Variants in TMC1 observed in about 807,000 individuals in gnomAD.
TMC1 encodes the protein transmembrane channel like 1, also known as transmembrane channel-like protein 1.
TMC1 carries 84 observed loss-of-function variants against 105.8 expected under a neutral mutation model. That is an observed-to-expected ratio of 0.79 (90% CI 0.67 to 0.95). The LOEUF (loss-of-function observed/expected upper bound fraction) is 0.95, where lower values mean the gene tolerates loss of function less well. Ranked by LOEUF, TMC1 falls within the 40% of genes least tolerant of loss-of-function variation. The pLI, the probability that TMC1 is intolerant of heterozygous loss-of-function variation, is 0.00. For synonymous variants in TMC1, 315 were observed against 311.5 expected (o/e 1.01, Z -0.12); for missense variants, 817 against 914.1 (o/e 0.89, Z 1.37).
At chr9:72,712,903 T>C (rs1045521584) in intron 8 of TMC1, among the ~76,000 whole-genome samples, 2 of 152,224 alleles carry the variant, frequency 1.3e-5, no homozygotes, top group African/African-American at 4.8e-5. Context: ...TGATATTGGC[T>C]GTGGATTTGT....
At chr9:72,687,053 T>G (rs193048218) in intron 5 of TMC1, among the ~76,000 whole-genome samples, 66 of 152,312 alleles carry the variant, frequency 4.3e-4, no homozygotes, top group Admixed American at 6.5e-4. Context: ...CTCTTTTTAT[T>G]TAATATATAA....
chr9:72,787,013 C>A (rs1828178414), intron 13 of TMC1, among the ~76,000 whole-genome samples: 1 of 150,134 alleles, frequency 6.7e-6, no homozygotes, highest in African/African-American at 2.5e-5. Flanking sequence ...ACCCTTTTGG[C>A]CTCCAAAAAA....
At chr9:72,567,816 G>T (rs1428446377) in intron 1 of TMC1, among the ~76,000 whole-genome samples, 1 of 152,112 alleles carries the variant, frequency 6.6e-6, no homozygotes, top group Non-Finnish European at 1.5e-5. Context: ...CACTCATGTA[G>T]TCTTATTTTG....
At chr9:72,580,581 T>C (rs13290088) in intron 2 of TMC1, among the ~76,000 whole-genome samples, 2 of 152,010 alleles carry the variant, frequency 1.3e-5, no homozygotes, top group African/African-American at 4.8e-5. Flanking sequence ...TGTGTGTGTG[T>C]GCATGCCAGT....
At chr9:72,683,427 G>T (rs1826319360) in intron 5 of TMC1, among the ~76,000 whole-genome samples, 1 of 151,760 alleles carries the variant, frequency 6.6e-6, no homozygotes, top group South Asian at 2.1e-4. Context: ...TTAGTAATTT[G>T]AGGGGCAACT....
chr9:72,581,327 T>C (rs1489976277), intron 2 of TMC1, among the ~76,000 whole-genome samples: 1 of 152,232 alleles, frequency 6.6e-6, no homozygotes, highest in Non-Finnish European at 1.5e-5. Context: ...TAATGCCACT[T>C]TTCACAAGGA....
intron 2 of TMC1, among the ~76,000 whole-genome samples, chr9:72,602,113 G>A (rs919618228): frequency 2.6e-5 from 4 of 152,118 alleles, no homozygotes; most frequent in African/African-American, 9.7e-5. Context: ...AAAAATTGCA[G>A]ATTTTGGAGA....
At chr9:72,681,320 C>G (rs1005071181) in intron 5 of TMC1, among the ~76,000 whole-genome samples, 1 of 152,080 alleles carries the variant, frequency 6.6e-6, no homozygotes, top group Middle Eastern at 3.2e-3. Context: ...AGACTCACCA[C>G]TTACTTTTTC....
intron 5 of TMC1, among the ~76,000 whole-genome samples, chr9:72,677,661 T>G (rs1826224003): frequency 6.6e-6 from 1 of 152,160 alleles, no homozygotes; most frequent in Non-Finnish European, 1.5e-5. Flanking sequence ...GACAATCAAT[T>G]ATTAATACCC....
At chr9:72,569,478 CTG>C (rs1824230641) in intron 1 of TMC1, among the ~76,000 whole-genome samples, 1 of 152,114 alleles carries the variant, frequency 6.6e-6, no homozygotes, top group African/African-American at 2.4e-5. Flanking sequence ...AAGCTGGACT[CTG>C]TGACGAAATG....
intron 8 of TMC1, among the ~76,000 whole-genome samples, chr9:72,702,725 G>A (rs564658433): frequency 6.6e-6 from 1 of 152,072 alleles, no homozygotes; most frequent in East Asian, 1.9e-4. Flanking sequence ...TTTTGAGGAT[G>A]CAACAGAAGG....
chr9:72,807,941 T>C (rs984737973), intron 18 of TMC1, among the ~76,000 whole-genome samples: 1 of 152,226 alleles, frequency 6.6e-6, no homozygotes, highest in South Asian at 2.1e-4. Flanking sequence ...CATCCTCAGG[T>C]CCCCCAACAA....
intron 11 of TMC1, among the ~76,000 whole-genome samples, chr9:72,754,308 G>A (rs60093593): frequency 0.01 from 1,578 of 152,214 alleles, 32 homozygotes; most frequent in African/African-American, 0.034. Flanking sequence ...GTGTTCTCAC[G>A]TTGCAGACAC....
chr9:72,656,290 G>T (rs1052172128), intron 5 of TMC1: 1 of 243,006 alleles, frequency 4.1e-6, no homozygotes. Context: ...CAACACCTAC[G>T]ACCACCTCTT....
At chr9:72,616,066 G>A (rs1479443364) in intron 2 of TMC1, among the ~76,000 whole-genome samples, 1 of 152,090 alleles carries the variant, frequency 6.6e-6, no homozygotes, top group African/African-American at 2.4e-5. Flanking sequence ...ATTTGTTGAT[G>A]CTTAGGGATG....
chr9:72,704,409 G>C (rs1268164795), intron 8 of TMC1, among the ~76,000 whole-genome samples: 1 of 152,164 alleles, frequency 6.6e-6, no homozygotes, highest in African/African-American at 2.4e-5. Context: ...GCAACTTATG[G>C]TTCTGAGGGT....
chr9:72,538,145 G>C, intron 1 of TMC1, among the ~76,000 whole-genome samples: 1 of 128,410 alleles, frequency 7.8e-6, no homozygotes, highest in Non-Finnish European at 1.6e-5. Context: ...GACAGAGCCA[G>C]ACCCTGTCTG....
At chr9:72,599,959 G>A (rs2132111567) in intron 2 of TMC1, among the ~76,000 whole-genome samples, 1 of 152,304 alleles carries the variant, frequency 6.6e-6, no homozygotes, top group South Asian at 2.1e-4. Context: ...TATGAACACA[G>A]TGCTCAGGAA....
At chr9:72,588,703 A>G (rs1461681640) in intron 2 of TMC1, among the ~76,000 whole-genome samples, 1 of 152,196 alleles carries the variant, frequency 6.6e-6, no homozygotes, top group Non-Finnish European at 1.5e-5. Context: ...ATGTTTCAAT[A>G]GCAGGAAGGT....
Sources: gnomAD v4.1 joint callset for allele counts (sites outside exome capture counted in the v4.1 genomes callset) on GRCh38, gnomAD v4.1.1 for gene constraint, MANE v1.5 for transcripts, NCBI Gene and HGNC (gene_info 2026-07-23, HGNC 2026-07-21) for gene names.